The following CDH18 variants were observed in gnomAD, a reference collection of about 807,000 sequenced individuals.
CDH18 encodes the protein cadherin 18, also known as cadherin-18.
A neutral mutation model predicts 67.9 loss-of-function variants in CDH18; 31 were observed. The observed-to-expected ratio is 0.46, with a 90% confidence interval of 0.34 to 0.62. The LOEUF is 0.62. CDH18 is among the 20% of genes least tolerant of loss of function. The pLI is 0.01. For missense variants in CDH18, 890 were observed against 975.5 expected (o/e 0.91, Z 1.17); for synonymous variants, 362 against 347.2 (o/e 1.04, Z -0.48).
At chr5:20,242,285 C>A (rs537289830) in intron 2 of CDH18, among the ~76,000 whole-genome samples, 1 of 151,710 alleles carries the variant, frequency 6.6e-6, no homozygotes, top group African/African-American at 2.4e-5. Context: ...CATTTGGTTG[C>A]GGCAAAAACA....
chr5:19,800,148 A>G (rs2149844127), intron 3 of CDH18, among the ~76,000 whole-genome samples: 1 of 152,264 alleles, frequency 6.6e-6, no homozygotes, highest in Middle Eastern at 3.4e-3. Flanking sequence ...TAAAAACACT[A>G]TTGAAAGGCT....
intron 5 of CDH18, among the ~76,000 whole-genome samples, chr5:19,612,878 C>T (rs1749222039): frequency 1.3e-5 from 2 of 152,028 alleles, no homozygotes; most frequent in Admixed American, 6.6e-5. Flanking sequence ...CGGTGGCTCA[C>T]GCCTGTAATC....
intron 1 of CDH18, among the ~76,000 whole-genome samples, chr5:20,339,086 C>T (rs922199463): frequency 6.6e-6 from 1 of 152,116 alleles, no homozygotes; most frequent in East Asian, 1.9e-4. Flanking sequence ...GGGAAGCAGA[C>T]TAAGAGATGC....
At chr5:20,107,158 G>GC (rs1747021082) in intron 2 of CDH18, among the ~76,000 whole-genome samples, 1 of 149,762 alleles carries the variant, frequency 6.7e-6, no homozygotes. Context: ...TCCTCTCACT[G>GC]CAAGCTCCGC....
chr5:19,766,528 G>T (rs1010576497), intron 3 of CDH18, among the ~76,000 whole-genome samples: 2 of 151,968 alleles, frequency 1.3e-5, no homozygotes, highest in Non-Finnish European at 2.9e-5. Context: ...TCTCCATCCA[G>T]TCCATTCACC....
intron 2 of CDH18, among the ~76,000 whole-genome samples, chr5:20,221,794 A>G (rs1247424091): frequency 6.6e-6 from 1 of 152,136 alleles, no homozygotes; most frequent in African/African-American, 2.4e-5. Context: ...AAATAACAAC[A>G]AAAATCAATA....
chr5:19,643,406 C>A (rs1301230444), intron 5 of CDH18, among the ~76,000 whole-genome samples: 1 of 152,050 alleles, frequency 6.6e-6, no homozygotes, highest in Non-Finnish European at 1.5e-5. Context: ...GCGTAATTCA[C>A]AATCGCTAAG....
intron 2 of CDH18, among the ~76,000 whole-genome samples, chr5:19,950,980 G>C (rs1043452062): frequency 6.6e-6 from 1 of 152,206 alleles, no homozygotes; most frequent in African/African-American, 2.4e-5. Context: ...TCATTGCTTT[G>C]GTTCAATGGC....
chr5:20,363,409 T>A (rs1283121465), intron 1 of CDH18, among the ~76,000 whole-genome samples: 1 of 130,934 alleles, frequency 7.6e-6, no homozygotes, highest in Non-Finnish European at 1.5e-5. Context: ...CACTTGAACC[T>A]GGGAGGCAGA....
intron 8 of CDH18, among the ~76,000 whole-genome samples, chr5:19,568,801 C>T (rs1473347165): frequency 6.7e-6 from 1 of 149,888 alleles, no homozygotes; most frequent in Non-Finnish European, 1.5e-5. Flanking sequence ...TTGTTTATAC[C>T]ACACAGTCGA....
At chr5:20,382,592 G>C (rs899276320) in intron 1 of CDH18, among the ~76,000 whole-genome samples, 1 of 152,058 alleles carries the variant, frequency 6.6e-6, no homozygotes, top group Non-Finnish European at 1.5e-5. Flanking sequence ...AAGGAAATGG[G>C]TAAGAAAATA....
upstream of CDH18, among the ~76,000 whole-genome samples, chr5:19,988,393 G>C (rs372410315): frequency 6.7e-6 from 1 of 149,388 alleles, no homozygotes; most frequent in Non-Finnish European, 1.5e-5. Context: ...ACCCCCCACC[G>C]TGCATACTTT....
At chr5:20,419,499 G>T (rs1293602529) in intron 1 of CDH18, among the ~76,000 whole-genome samples, 3 of 104,684 alleles carry the variant, frequency 2.9e-5, no homozygotes, top group Non-Finnish European at 3.6e-5. Flanking sequence ...TTTTTGAGAT[G>T]GAGTCTCGCT....
chr5:19,951,786 T>C (rs943372676), intron 2 of CDH18, among the ~76,000 whole-genome samples: 1 of 152,130 alleles, frequency 6.6e-6, no homozygotes, highest in African/African-American at 2.4e-5. Flanking sequence ...CTGTTTGTTA[T>C]CATTATTCTA....
At chr5:20,562,944 C>G (rs2434786) in intron 1 of CDH18, among the ~76,000 whole-genome samples, 41,390 of 150,534 alleles carry the variant, frequency 0.27, 7,122 homozygotes, top group African/African-American at 0.49. Flanking sequence ...CAAGCTCCTA[C>G]TTAATGTCAA....
chr5:19,939,498 C>T (rs1159118463), intron 2 of CDH18, among the ~76,000 whole-genome samples: 1 of 151,642 alleles, frequency 6.6e-6, no homozygotes, highest in Non-Finnish European at 1.5e-5. Context: ...ACCACTGCAT[C>T]ACTGATTAAA....
At chr5:19,692,497 A>G (rs1185161073) in intron 5 of CDH18, among the ~76,000 whole-genome samples, 1 of 152,148 alleles carries the variant, frequency 6.6e-6, no homozygotes, top group Non-Finnish European at 1.5e-5. Flanking sequence ...ACAAATGACT[A>G]ATAGTCATAA....
chr5:20,567,299 GA>G (rs1361360524), intron 1 of CDH18, among the ~76,000 whole-genome samples: 1 of 152,166 alleles, frequency 6.6e-6, no homozygotes, highest in Non-Finnish European at 1.5e-5. Context: ...TTTAGAAAGT[GA>G]CATAAACTTT....
intron 2 of CDH18, among the ~76,000 whole-genome samples, chr5:19,868,776 T>C (rs1581716209): frequency 6.6e-6 from 1 of 151,936 alleles, no homozygotes; most frequent in Admixed American, 6.6e-5. Flanking sequence ...AAAAATAGCA[T>C]AAAAGACCAT....
Sources: allele counts gnomAD v4.1 joint callset (sites outside exome capture counted in the v4.1 genomes callset), GRCh38; gene constraint gnomAD v4.1.1; transcripts MANE v1.5; gene names NCBI Gene and HGNC (gene_info 2026-07-23, HGNC 2026-07-21).